KCNN2: variants seen among roughly 807,000 people sequenced by gnomAD.
KCNN2 encodes small conductance calcium-activated potassium channel protein 2.
KCNN2 carries 24 observed loss-of-function variants against 55.5 expected under a neutral mutation model. The ratio of observed to expected loss-of-function variants is 0.43; its 90% CI spans 0.31 to 0.61. KCNN2 has a LOEUF of 0.61. KCNN2 is among the 20% of genes least tolerant of loss of function. KCNN2 has a pLI of 0.08. For synonymous variants in KCNN2, 431 were observed against 336.1 expected, an observed-to-expected ratio of 1.28 and a Z score of -3.09; for missense variants, 754 against 853.6, an observed-to-expected ratio of 0.88 and a Z score of 1.45.
intron 1 of KCNN2, among the ~76,000 whole-genome samples, chr5:114,063,843 G>A (rs1750383009): frequency 6.6e-6 from 1 of 152,230 alleles, no homozygotes; most frequent in Admixed American, 6.5e-5. Flanking sequence ...CAGCTTTAAT[G>A]TAATTTAAAG....
intron 3 of KCNN2, among the ~76,000 whole-genome samples, chr5:114,430,714 T>C (rs1021770274): frequency 3.3e-5 from 5 of 152,114 alleles, no homozygotes; most frequent in African/African-American, 1.2e-4. Context: ...ATATTAACTG[T>C]AATTATAGCT....
chr5:114,455,117 C>G (rs1189572134), intron 3 of KCNN2, among the ~76,000 whole-genome samples: 1 of 152,116 alleles, frequency 6.6e-6, no homozygotes, highest in Non-Finnish European at 1.5e-5. Context: ...TTATGGCACA[C>G]AGGCTTACCT....
intron 2 of KCNN2, among the ~76,000 whole-genome samples, chr5:114,298,414 C>A (rs1455426088): frequency 2.0e-5 from 3 of 152,204 alleles, no homozygotes; most frequent in African/African-American, 7.2e-5. Context: ...TCTCCTCACT[C>A]AGCCAGGGCC....
At chr5:114,081,215 C>A (rs1423249390) in intron 1 of KCNN2, among the ~76,000 whole-genome samples, 1 of 152,018 alleles carries the variant, frequency 6.6e-6, no homozygotes, top group South Asian at 2.1e-4. Context: ...GTCAGGTCTA[C>A]CCCCCAAAAT....
At chr5:114,470,742 CTTA>C (rs1248540519) in intron 4 of KCNN2, among the ~76,000 whole-genome samples, 2 of 152,146 alleles carry the variant, frequency 1.3e-5, no homozygotes, top group Admixed American at 6.5e-5. Context: ...TCAAATGACT[CTTA>C]TAAGAATTTT....
intron 2 of KCNN2, among the ~76,000 whole-genome samples, chr5:114,371,899 GC>G (rs1757768993): frequency 6.6e-6 from 1 of 152,086 alleles, no homozygotes; most frequent in Non-Finnish European, 1.5e-5. Context: ...GCTATATTAT[GC>G]CGACTCTTAT....
chr5:114,171,503 C>T (rs1445264221), intron 1 of KCNN2, among the ~76,000 whole-genome samples: 3 of 152,010 alleles, frequency 2.0e-5, no homozygotes, highest in Admixed American at 2.0e-4. Flanking sequence ...CTCCATTTCT[C>T]CTTCACCTCT....
intron 1 of KCNN2, among the ~76,000 whole-genome samples, chr5:114,063,137 G>T (rs1750366282): frequency 6.6e-6 from 1 of 152,162 alleles, no homozygotes; most frequent in Non-Finnish European, 1.5e-5. Flanking sequence ...GCTGTGCTCA[G>T]CTCCTCCCTC....
At chr5:114,481,716 A>C (rs1004133894) in intron 5 of KCNN2, among the ~76,000 whole-genome samples, 9 of 151,868 alleles carry the variant, frequency 5.9e-5, no homozygotes, top group Non-Finnish European at 1.2e-4. Flanking sequence ...CCAATGGAAC[A>C]GAAATGAAGT....
At chr5:114,081,559 A>G (rs1482077289) in intron 1 of KCNN2, among the ~76,000 whole-genome samples, 1 of 152,220 alleles carries the variant, frequency 6.6e-6, no homozygotes, top group Non-Finnish European at 1.5e-5. Context: ...AGATGCCGGA[A>G]AAGTTGTATA....
chr5:114,392,193 T>C (rs1758468635), intron 2 of KCNN2, among the ~76,000 whole-genome samples: 1 of 152,174 alleles, frequency 6.6e-6, no homozygotes, highest in Non-Finnish European at 1.5e-5. Flanking sequence ...CAACATATGA[T>C]ATGTGTTCAT....
At chr5:114,142,878 A>C (rs1752314840) in intron 1 of KCNN2, among the ~76,000 whole-genome samples, 1 of 152,204 alleles carries the variant, frequency 6.6e-6, no homozygotes, top group South Asian at 2.1e-4. Flanking sequence ...TAAAGTTCAT[A>C]TGGAACCAAA....
At chr5:114,242,445 C>A (rs1561537574) in intron 2 of KCNN2, among the ~76,000 whole-genome samples, 1 of 152,130 alleles carries the variant, frequency 6.6e-6, no homozygotes, top group South Asian at 2.1e-4. Flanking sequence ...TAATCCAGTT[C>A]TCTATAACTA....
intron 2 of KCNN2, among the ~76,000 whole-genome samples, chr5:114,353,149 T>C (rs1012523171): frequency 6.6e-6 from 1 of 151,880 alleles, no homozygotes; most frequent in Non-Finnish European, 1.5e-5. Flanking sequence ...CTTCTTTGTC[T>C]CCAGTTACAT....
At chr5:114,193,497 G>A (rs1753490760) in intron 1 of KCNN2, among the ~76,000 whole-genome samples, 1 of 152,026 alleles carries the variant, frequency 6.6e-6, no homozygotes, top group Admixed American at 6.6e-5. Context: ...ACATAACAAG[G>A]CAATCCTTTA....
intron 3 of KCNN2, among the ~76,000 whole-genome samples, chr5:114,455,545 A>G (rs1348825759): frequency 6.6e-6 from 1 of 152,222 alleles, no homozygotes; most frequent in East Asian, 1.9e-4. Flanking sequence ...ATGGCTTCCA[A>G]GTGTTCACGT....
chr5:114,355,036 G>T lies in KCNN2; in HGVS notation c.-184-5909G>T, dbSNP rs191815490. 2.0e-5 allele frequency among the ~76,000 whole-genome samples: 3 copies of T among 152,264 alleles called. No individual in the cohort carries two copies. The East Asian group carries it at 5.8e-4, about 29-fold the overall frequency. ...TTACATCTGGAGTGTTTTGTTGCTGGTGACATTGTTACATTTAATTTAACT... is the reference window on the plus strand; with the variant it reads ...TTACATCTGGAGTGTTTTGTTGCTGTTGACATTGTTACATTTAATTTAACT... On this transcript the variant is annotated intron_variant, in intron 2 of 10. Transcript: ENST00000512097.
chr5:114,298,612 A>G (rs1227775977), intron 2 of KCNN2, among the ~76,000 whole-genome samples: 1 of 152,224 alleles, frequency 6.6e-6, no homozygotes, highest in Admixed American at 6.5e-5. Flanking sequence ...CAAATATTCT[A>G]TAAGAAATAA....
intron 2 of KCNN2, among the ~76,000 whole-genome samples, chr5:114,376,194 G>A (rs73782216): frequency 0.042 from 6,379 of 151,950 alleles, 461 homozygotes; most frequent in African/African-American, 0.15. Flanking sequence ...TGCTTCAGTG[G>A]CAGCTATTTA....
Sources: allele counts gnomAD v4.1 joint callset (sites outside exome capture counted in the v4.1 genomes callset), GRCh38; gene constraint gnomAD v4.1.1; transcripts MANE v1.5; gene names NCBI Gene and HGNC (gene_info 2026-07-23, HGNC 2026-07-21).